ADARB2: variants seen among roughly 807,000 people sequenced by gnomAD.
The protein encoded by ADARB2 is inactive double-stranded RNA-specific editase B2.
In ADARB2, 25 loss-of-function variants were observed where a neutral mutation model predicts 62.2. The observed-to-expected ratio is 0.40, with a 90% CI of 0.29 to 0.56. The LOEUF (loss-of-function observed/expected upper bound fraction) is 0.56, where lower values mean the gene tolerates loss of function less well. ADARB2 is among the 20% of genes least tolerant of loss of function. ADARB2 has a pLI of 0.43. For missense variants in ADARB2, 1,071 were observed against 1,077.4 expected (o/e 0.99, Z 0.08); for synonymous variants, 572 against 500.8 (o/e 1.14, Z -1.90).
chr10:1,188,879 T>G (rs1442229149), intron 8 of ADARB2, among the ~76,000 whole-genome samples: 1 of 152,222 alleles, frequency 6.6e-6, no homozygotes, highest in African/African-American at 2.4e-5. Context: ...GGAAGTGCAG[T>G]CAGGAGCGGG....
chr10:1,264,161 T>G (rs1332807452), intron 4 of ADARB2, among the ~76,000 whole-genome samples: 4 of 152,122 alleles, frequency 2.6e-5, no homozygotes, highest in African/African-American at 7.2e-5. Context: ...TAAGATCAAT[T>G]CCTTGAAATA....
chr10:1,396,062 T>C (rs1832610343), intron 1 of ADARB2, among the ~76,000 whole-genome samples: 2 of 152,202 alleles, frequency 1.3e-5, no homozygotes, highest in East Asian at 3.8e-4. Context: ...TTCTACGCAT[T>C]AGACATTCTA....
intron 1 of ADARB2, among the ~76,000 whole-genome samples, chr10:1,450,812 C>T (rs1772459975): frequency 6.6e-6 from 1 of 152,178 alleles, no homozygotes; most frequent in Non-Finnish European, 1.5e-5. Context: ...AGCCTGAAAA[C>T]CCAAGATTTG....
chr10:1,212,222 G>T (rs551548483), intron 7 of ADARB2, among the ~76,000 whole-genome samples: 1 of 152,184 alleles, frequency 6.6e-6, no homozygotes, highest in Non-Finnish European at 1.5e-5. Flanking sequence ...TTTTGTTTTT[G>T]TGCAGGATAG....
chr10:1,319,901 A>C (rs1171516175), intron 3 of ADARB2, among the ~76,000 whole-genome samples: 5 of 152,236 alleles, frequency 3.3e-5, no homozygotes, highest in African/African-American at 1.2e-4. Flanking sequence ...CAGTGGGACT[A>C]CTGGACCAAT....
chr10:1,665,501 G>C (rs1588344479), intron 1 of ADARB2, among the ~76,000 whole-genome samples: 1 of 152,352 alleles, frequency 6.6e-6, no homozygotes, highest in East Asian at 1.9e-4. Flanking sequence ...CGGGGCACCC[G>C]AGGCCCAGAG....
Position 1,217,003 on chromosome 10 carries a change from C to A in ADARB2, c.1630G>T (p.Val544Phe). 1 of 1,610,658 alleles carries A rather than the reference C, an allele frequency of 6.2e-7. No homozygotes were observed. The highest frequency in any genetic ancestry group is 8.5e-7 in the Non-Finnish European group (1 of 1,179,742). The change falls in exon 7 of 10, where the codon GTC (valine) becomes TTC (phenylalanine). Residue 544 changes from valine to phenylalanine, a missense_variant. Val to Phe is a conservative substitution (Grantham distance 50). Coordinates refer to ENST00000381312, the MANE Select transcript of ADARB2 (RefSeq NM_018702.4). ...GPSAVQTWDG[V>F]LLGEQLITMS... is the part of the protein sequence containing the mutation. ...GTGATCAGCTGCTCCCCCAGCAGGA[C>A]GCCGTCCCAGGTCTGCACTGCGCTG...
chr10:1,433,267 G>A (rs1830795563), intron 1 of ADARB2, among the ~76,000 whole-genome samples: 3 of 152,138 alleles, frequency 2.0e-5, no homozygotes, highest in Admixed American at 6.6e-5. Context: ...GGGGTCTCTC[G>A]TGTGTGCCCA....
rs146741592 is a variant in ADARB2 at position 1,348,553 on chromosome 10, G to A, written c.1077+14475C>T. Among the ~76,000 whole-genome samples, 90 of 152,304 alleles carry A rather than the reference G, an allele frequency of 5.9e-4. 1 individual carries two copies. The highest frequency in any genetic ancestry group is 7.4e-4 in the Non-Finnish European group (50 of 68,014). ...GTGCCTCCCTCGGCTGCCTCCATCT[G>A]AGGCCCTCCCTGCAGCTCTGCCCCC... On this transcript the variant is annotated intron_variant, in intron 3 of 9. Coordinates refer to ENST00000381312, the MANE Select transcript of ADARB2 (RefSeq NM_018702.4).
chr10:1,233,554 T>C, intron 6 of ADARB2, 140 bp downstream of exon 6: 2 of 897,342 alleles, frequency 2.2e-6, no homozygotes, highest in Non-Finnish European at 3.2e-6. Context: ...TCCCACTAAT[T>C]GTAGACTCAA....
chr10:1,488,612 C>T (rs1468240977), intron 1 of ADARB2, among the ~76,000 whole-genome samples: 4 of 152,106 alleles, frequency 2.6e-5, no homozygotes, highest in African/African-American at 7.2e-5. Flanking sequence ...GCCCTGCACC[C>T]CATGAAATAG....
At chr10:1,658,463 C>T (rs1226241265) in intron 1 of ADARB2, among the ~76,000 whole-genome samples, 1 of 151,992 alleles carries the variant, frequency 6.6e-6, no homozygotes, top group Non-Finnish European at 1.5e-5. Flanking sequence ...TATCTCTTTT[C>T]TCTCTCTGTC....
chr10:1,489,869 G>C (rs1034423587), intron 1 of ADARB2, among the ~76,000 whole-genome samples: 6 of 152,164 alleles, frequency 3.9e-5, no homozygotes, highest in Non-Finnish European at 7.3e-5. Context: ...TATCTGGTGA[G>C]CCTGAATGAG....
At chr10:1,348,003 CAG>C (rs1832096662) in intron 3 of ADARB2, among the ~76,000 whole-genome samples, 1 of 151,332 alleles carries the variant, frequency 6.6e-6, no homozygotes, top group Non-Finnish European at 1.5e-5. Context: ...GAGAGAGAGA[CAG>C]AGACAAACAG....
At chr10:1,318,638 T>C (rs1419217646) in intron 3 of ADARB2, among the ~76,000 whole-genome samples, 1 of 152,150 alleles carries the variant, frequency 6.6e-6, no homozygotes, top group South Asian at 2.1e-4. Flanking sequence ...TACTTGCTCA[T>C]TCAACTCAGC....
At chr10:1,631,683 G>A (rs946945182) in intron 1 of ADARB2, among the ~76,000 whole-genome samples, 3 of 152,158 alleles carry the variant, frequency 2.0e-5, no homozygotes, top group African/African-American at 2.4e-5. Context: ...AAAGGACGAC[G>A]CTGTGTGGGC....
At chr10:1,232,445 ATG>A (rs1378613108) in intron 6 of ADARB2, among the ~76,000 whole-genome samples, 2 of 145,274 alleles carry the variant, frequency 1.4e-5, no homozygotes, top group African/African-American at 2.6e-5. Flanking sequence ...TTTGCAGTGT[ATG>A]TGGTATGCAT....
In ADARB2 at chr10:1,461,914, A is replaced by G. The variant is rs539391872; in HGVS notation, c.101-82754T>C. 4.6e-5 allele frequency among the ~76,000 whole-genome samples: 7 copies of G among 152,302 alleles called. No homozygotes were observed. The East Asian group carries it at 7.7e-4, about 17-fold the overall frequency. On this transcript the variant is annotated intron_variant, in intron 1 of 9. Transcript: ENST00000381312. ...CTACCGGGGAGGCTGAGGCAGGAGAATCGCTTGAACTGGGGAGGCGGAGGT... is the reference window on the plus strand; with the variant it reads ...CTACCGGGGAGGCTGAGGCAGGAGAGTCGCTTGAACTGGGGAGGCGGAGGT...
At chr10:1,579,929 G>A (rs756301445) in intron 1 of ADARB2, among the ~76,000 whole-genome samples, 2 of 152,112 alleles carry the variant, frequency 1.3e-5, no homozygotes, top group Non-Finnish European at 2.9e-5. Context: ...CACCTTTCAG[G>A]ACTCAGGGGC....
Sources: gnomAD v4.1 joint callset for allele counts (sites outside exome capture counted in the v4.1 genomes callset) on GRCh38, gnomAD v4.1.1 for gene constraint, MANE v1.5 for transcripts, NCBI Gene and HGNC (gene_info 2026-07-23, HGNC 2026-07-21) for gene names.